Variants in SAFB2 observed in about 807,000 individuals in gnomAD.
SAFB2 encodes the protein scaffold attachment factor B2.
In SAFB2, 32 loss-of-function variants were observed where a neutral mutation model predicts 100.6. That is an observed-to-expected ratio of 0.32 (90% CI 0.24 to 0.43). The LOEUF (loss-of-function observed/expected upper bound fraction) is 0.43. SAFB2 is among the 20% of genes least tolerant of loss of function. The pLI is 1.00. For missense variants in SAFB2, 1,185 were observed against 1,163.4 expected (o/e 1.02, Z -0.27); for synonymous variants, 500 against 439.4 (o/e 1.14, Z -1.72).
chr19:5,592,881 A>T lies in SAFB2; in HGVS notation c.2214T>A (p.Asp738Glu), dbSNP rs760796529. ...GCTTTCCTTCTGGCCAATAGGCATC[A>T]TCTCGTCTGTTGGTTTTTATTTTAA... ...GRRPYDLDRR[D>E]DAYWPEGKRV... The change falls in exon 16 of 21, where the codon GAT becomes GAA. Residue 738 changes from aspartate (D) to glutamate (E), a missense_variant. Asp to Glu is a conservative substitution (Grantham distance 45). Coordinates refer to ENST00000252542, the MANE Select transcript of SAFB2 (RefSeq NM_014649.3). 1 of 1,613,870 alleles carries T rather than the reference A, an allele frequency of 6.2e-7. No individual in the cohort carries two copies. Among genetic ancestry groups the T allele is most frequent in the Non-Finnish European group, 8.5e-7 (1 of 1,179,934 alleles).
chr19:5,604,994 G>C, intron 9 of SAFB2, 58 bp from the exon 10 acceptor site: 3 of 1,569,412 alleles, frequency 1.9e-6, no homozygotes, highest in South Asian at 1.1e-5. Context: ...ACTTGCTAAA[G>C]TTATTACCTG....
chr19:5,596,346 G>A (rs113356658), intron 13 of SAFB2, among the ~76,000 whole-genome samples: 13 of 152,240 alleles, frequency 8.5e-5, no homozygotes, highest in Non-Finnish European at 1.6e-4. Context: ...GCCAACTTCC[G>A]TAATTTATTT....
chr19:5,620,381 G>C (rs2053116090), intron 2 of SAFB2, among the ~76,000 whole-genome samples: 2 of 152,136 alleles, frequency 1.3e-5, no homozygotes, highest in South Asian at 4.1e-4. Flanking sequence ...CCCTGCACAG[G>C]AAACCTAAAT....
At chr19:5,609,438 C>A (rs902999239) in intron 9 of SAFB2, among the ~76,000 whole-genome samples, 1 of 151,750 alleles carries the variant, frequency 6.6e-6, no homozygotes, top group African/African-American at 2.4e-5. Context: ...CGAGTAGCTG[C>A]GACTACAGGC....
chr19:5,604,545 C>A, intron 11 of SAFB2, 38 bp downstream of exon 11: 2 of 1,541,518 alleles, frequency 1.3e-6, no homozygotes. Flanking sequence ...TGCCCTCCTC[C>A]CAGGGATTCC....
At chr19:5,595,594 C>A in intron 13 of SAFB2, 97 bp from the exon 14 acceptor site, 2 of 1,439,804 alleles carry the variant, frequency 1.4e-6, no homozygotes, top group Non-Finnish European at 1.9e-6. Flanking sequence ...GATTCTCTGG[C>A]CCCACATGGT....
intron 2 of SAFB2, among the ~76,000 whole-genome samples, 157 bp from the exon 3 acceptor site, chr19:5,616,643 CTTTTTT>C (rs60033130): frequency 1.4e-5 from 1 of 72,806 alleles, no homozygotes; most frequent in Non-Finnish European, 2.4e-5. Context: ...AATTTGTTTT[CTTTTTT>C]TTTTTTTTTT....
In SAFB2 at chr19:5,610,525, C is replaced by T. The variant is rs149857482; in HGVS notation, c.1195+114G>A. 550 of 774,492 alleles carry T rather than the reference C, an allele frequency of 7.1e-4. 4 individuals are homozygous for T. The East Asian group carries it at 9.2e-3, about 13-fold the overall frequency. The allele number at this position is 774,492 out of a possible 1,614,324, so 48.0% of individuals were successfully genotyped here. ...CAAGAAACCATTAGGTGGTTGATTC[C>T]GGTAACCCATAACAAAACAAATTAC... On this transcript the variant is annotated intron_variant, in intron 8 of 20. Coordinates refer to ENST00000252542, the MANE Select transcript of SAFB2 (RefSeq NM_014649.3).
rs746331130 is a variant in SAFB2 at position 5,604,612 on chromosome 19, T to A, written c.1530A>T (p.Arg510Ser). The change falls in exon 11 of 21, where the codon AGA becomes AGT. Residue 510 changes from arginine (R) to serine (S), a missense_variant. Around this residue, in one of 3 missense-constraint regions of SAFB2, gnomAD observed 740 missense variants for 687.1 expected, o/e 1.08. Transcript: ENST00000252542. ...CAATTTTGATCTCCACAGAATGATG[T>A]CTGTCGACACTCGATAATTTTTCCT... ...VKKEKLSSVD[R>S]HHSVEIKIEK... The A allele has an allele frequency of 2.7e-5, 43 of 1,613,994 alleles. No homozygotes were observed. Among genetic ancestry groups the A allele is most frequent in the Non-Finnish European group, 3.6e-5 (42 of 1,179,938 alleles).
At chr19:5,596,382 C>A (rs2052536698) in intron 13 of SAFB2, among the ~76,000 whole-genome samples, 1 of 152,056 alleles carries the variant, frequency 6.6e-6, no homozygotes, top group Non-Finnish European at 1.5e-5. Flanking sequence ...GGTTTGAGAC[C>A]CAGTCTTGTT....
intron 9 of SAFB2, among the ~76,000 whole-genome samples, chr19:5,609,051 CAAAAAA>C (rs60419324): frequency 0.013 from 941 of 72,712 alleles, 5 homozygotes; most frequent in Admixed American, 0.022. Flanking sequence ...GACGCAGTCT[CAAAAAA>C]AAAAAAAAAA....
At chr19:5,620,025 C>T (rs1169708256) in intron 2 of SAFB2, among the ~76,000 whole-genome samples, 1 of 152,142 alleles carries the variant, frequency 6.6e-6, no homozygotes, top group East Asian at 1.9e-4. Flanking sequence ...AAGTTAACAC[C>T]TAAACAGAAG....
chr19:5,606,864 G>A (rs1212690219), intron 9 of SAFB2, among the ~76,000 whole-genome samples: 4 of 152,218 alleles, frequency 2.6e-5, no homozygotes, highest in Non-Finnish European at 2.9e-5. Context: ...TCAGGAGGGA[G>A]GAAGATGATC....
intron 9 of SAFB2, among the ~76,000 whole-genome samples, chr19:5,606,980 G>C (rs1327110758): frequency 1.3e-5 from 2 of 152,196 alleles, no homozygotes; most frequent in East Asian, 3.9e-4. Flanking sequence ...ATAACTGTTT[G>C]GCTGGGCGTG....
chr19:5,598,891 G>GA lies in SAFB2; in HGVS notation c.1691-8dup, dbSNP rs1364528965. ...CGCTCCATTCCTCTGCTTCCTTCAG[G>GA]AAAAAACACAACAAACTATCAAAAC... On this transcript the variant is annotated splice_region_variant and splice_polypyrimidine_tract_variant and intron_variant, in intron 12 of 20. Transcript: ENST00000252542. 5.0e-6 allele frequency: 8 copies of GA among 1,613,470 alleles called. No individual in the cohort carries two copies. Among genetic ancestry groups the GA allele is most frequent in the African/African-American group, 1.3e-5 (1 of 74,822 alleles).
intron 13 of SAFB2, among the ~76,000 whole-genome samples, chr19:5,596,414 A>G (rs1053251662): frequency 7.9e-5 from 12 of 152,206 alleles, no homozygotes; most frequent in African/African-American, 2.9e-4. Context: ...CCTGGAGTAC[A>G]GTGGCTCAGT....
intron 11 of SAFB2, among the ~76,000 whole-genome samples, chr19:5,602,702 C>G (rs1262550420): frequency 1.3e-5 from 2 of 152,062 alleles, no homozygotes; most frequent in African/African-American, 4.8e-5. Context: ...CCAGTGCTGG[C>G]CACAGGACCA....
rs764154915 is a variant in SAFB2 at position 5,587,221 on chromosome 19, G to A, written c.*22C>T. ...GATTCAACAGTGCGTCTGCCCACCC[G>A]AAAACTCGCAGCGAGTGGGACTTAG... On this transcript the variant is annotated 3_prime_UTR_variant, in exon 21 of 21. Transcript: ENST00000252542. This position sits in a 1 kb window ranked among gnomAD's most constrained non-coding sequence, Gnocchi z 4.9. 1.1e-5 allele frequency: 17 copies of A among 1,607,282 alleles called. No homozygotes were observed. The highest frequency in any genetic ancestry group is 1.9e-4 in the Middle Eastern group (1 of 5,294).
At chr19:5,604,717 T>G in intron 10 of SAFB2, 22 bp from the exon 11 acceptor site, 1 of 1,614,044 alleles carries the variant, frequency 6.2e-7, no homozygotes, top group South Asian at 1.1e-5. Flanking sequence ...TAGACAGAAA[T>G]GATGTGTGGC....
Sources: allele counts gnomAD v4.1 joint callset (sites outside exome capture counted in the v4.1 genomes callset), GRCh38; gene constraint gnomAD v4.1.1; regional missense constraint gnomAD v4.1.1; non-coding constraint Gnocchi (gnomAD v3.1); transcripts MANE v1.5; gene names NCBI Gene and HGNC (gene_info 2026-07-23, HGNC 2026-07-21).